Variants in MPDZ observed in about 807,000 individuals in gnomAD.
MPDZ encodes multiple PDZ domain protein.
A neutral mutation model predicts 239.1 loss-of-function variants in MPDZ; 234 were observed. That is an observed-to-expected ratio of 0.98 (90% confidence interval 0.88 to 1.09). The LOEUF (loss-of-function observed/expected upper bound fraction) is 1.09, where lower values mean the gene tolerates loss of function less well. Ranked by LOEUF, MPDZ falls within the 50% of genes least tolerant of loss-of-function variation. The pLI, the probability that MPDZ is intolerant of heterozygous loss-of-function variation, is 0.00. For synonymous variants in MPDZ, 1,048 were observed against 881.3 expected (o/e 1.19, Z -3.35); for missense variants, 3,175 against 2,510.0 (o/e 1.26, Z -5.66).
At chr9:13,268,167 T>C (rs974497934) in intron 1 of MPDZ, among the ~76,000 whole-genome samples, 2 of 150,958 alleles carry the variant, frequency 1.3e-5, no homozygotes, top group Non-Finnish European at 3.0e-5. Context: ...TATATATATA[T>C]ATACACACAT....
intron 27 of MPDZ, 76 bp downstream of exon 27, chr9:13,143,390 A>T: frequency 8.9e-7 from 1 of 1,128,822 alleles, no homozygotes; most frequent in South Asian, 1.4e-5. Context: ...GTGAACTGGG[A>T]CAAAGACACA....
chr9:13,110,542 C>A, intron 44 of MPDZ, 94 bp downstream of exon 44: 1 of 821,010 alleles, frequency 1.2e-6, no homozygotes, highest in South Asian at 1.6e-5. Context: ...AAAATAATAG[C>A]AGAAGATTTA....
chr9:13,153,944 G>A (rs1393092338), intron 24 of MPDZ, among the ~76,000 whole-genome samples: 1 of 152,066 alleles, frequency 6.6e-6, no homozygotes, highest in African/African-American at 2.4e-5. Flanking sequence ...TGTTTATTAA[G>A]GGTTGTACCA....
intron 3 of MPDZ, among the ~76,000 whole-genome samples, chr9:13,233,917 A>G (rs549530820): frequency 2.6e-5 from 4 of 152,166 alleles, no homozygotes; most frequent in Non-Finnish European, 4.4e-5. Context: ...GTTGATGTGG[A>G]TTCAACTGGC....
At chr9:13,115,426 T>A in intron 39 of MPDZ, 92 bp from the exon 40 acceptor site, 1 of 1,007,764 alleles carries the variant, frequency 9.9e-7, no homozygotes, top group Non-Finnish European at 1.5e-6. Flanking sequence ...CAAGACTTTT[T>A]TGAAAGGCAT....
Position 13,205,024 on chromosome 9 carries a change from CTAGG to C in MPDZ, c.1546+8_1546+11del. 7.0e-7 allele frequency: 1 copy of C among 1,426,870 alleles called. No individual in the cohort carries two copies. Among genetic ancestry groups the C allele is most frequent in the Non-Finnish European group, 9.2e-7 (1 of 1,086,420 alleles). 88.4% of individuals were successfully genotyped at this position (1,426,870 alleles called of 1,614,324 possible). ...TAATGAAGTACACAATAAGCTGGCG[CTAGG>C]TGTTTACCTTCTTCTTCAGTTGGTA... On this transcript the variant is annotated splice_region_variant and intron_variant, in intron 12 of 46. Coordinates refer to ENST00000319217, the MANE Select transcript of MPDZ (RefSeq NM_001378778.1).
intron 10 of MPDZ, among the ~76,000 whole-genome samples, chr9:13,207,176 T>C (rs1467442928): frequency 6.6e-6 from 1 of 152,218 alleles, no homozygotes; most frequent in Non-Finnish European, 1.5e-5. Context: ...TCTATTTGTC[T>C]TTTCAGAAAA....
Position 13,121,937 on chromosome 9 carries a change from A to G in MPDZ, c.5038-5T>C. 1.2e-5 allele frequency: 19 copies of G among 1,612,338 alleles called. No homozygotes were observed. The highest frequency in any genetic ancestry group is 1.6e-5 in the Non-Finnish European group (19 of 1,178,914). The stretch of plus-strand genomic sequence containing the variant: ...TCTCAAGTCAATTCCATTCACCTGT[A>G]CAGAAATGGGACACTGACTGTAAGG... On this transcript the variant is annotated splice_polypyrimidine_tract_variant and splice_region_variant and intron_variant, in intron 37 of 46. Transcript: ENST00000319217.
At chr9:13,126,313 T>C (rs900202330) in intron 34 of MPDZ, among the ~76,000 whole-genome samples, 6 of 152,198 alleles carry the variant, frequency 3.9e-5, no homozygotes, top group African/African-American at 1.4e-4. Flanking sequence ...ATTGAATAAT[T>C]TGTGTGGCAA....
intron 3 of MPDZ, among the ~76,000 whole-genome samples, chr9:13,231,169 AG>A (rs1587980001): frequency 2.0e-5 from 3 of 152,164 alleles, no homozygotes; most frequent in African/African-American, 7.2e-5. Context: ...AATAAAAAAA[AG>A]GAACATAATT....
intron 21 of MPDZ, among the ~76,000 whole-genome samples, 165 bp from the exon 22 acceptor site, chr9:13,168,729 T>G (rs771353543): frequency 6.6e-6 from 1 of 152,128 alleles, no homozygotes. Flanking sequence ...ACAAAAAATA[T>G]TTTTAAGTAA....
chr9:13,177,062 A>G (rs914011276), intron 19 of MPDZ, among the ~76,000 whole-genome samples: 4 of 152,206 alleles, frequency 2.6e-5, no homozygotes, highest in East Asian at 1.9e-4. Flanking sequence ...AACAATTTGT[A>G]TATCACAGAA....
chr9:13,241,196 T>C (rs541101760), intron 3 of MPDZ, among the ~76,000 whole-genome samples: 5 of 152,274 alleles, frequency 3.3e-5, no homozygotes, highest in African/African-American at 1.2e-4. Context: ...TTACGGTAAA[T>C]GTAAAAACAT....
rs141547132 is a variant in MPDZ at position 13,165,476 on chromosome 9, T to C, written c.3255-2681A>G. 5.4e-5 allele frequency: 83 copies of C among 1,534,474 alleles called. No individual in the cohort carries two copies. The African/African-American group carries it at 9.1e-4, about 17-fold the overall frequency. Reference sequence around the variant, plus strand: ...GTTAACAAATGTCAATGTCTTGTGCTGAATGTGAGATGCATACATATGTAG... The same window carrying C: ...GTTAACAAATGTCAATGTCTTGTGCCGAATGTGAGATGCATACATATGTAG... On this transcript the variant is annotated intron_variant, in intron 22 of 46. Coordinates refer to ENST00000319217, the MANE Select transcript of MPDZ (RefSeq NM_001378778.1).
chr9:13,223,746 G>A (rs1302384278), intron 4 of MPDZ, 36 bp from the exon 5 acceptor site: 1 of 1,542,298 alleles, frequency 6.5e-7, no homozygotes, highest in Non-Finnish European at 8.8e-7. Flanking sequence ...AAAACTAAAA[G>A]CCAGGCCATG....
At chr9:13,198,737 C>CTGTGTGTGTGTGTGTGTG (rs1554691393) in intron 12 of MPDZ, among the ~76,000 whole-genome samples, 61 of 69,658 alleles carry the variant, frequency 8.8e-4, no homozygotes, top group African/African-American at 1.7e-3. Context: ...ATCTCTCTCT[C>CTGTGTGTGTGTGTGTGTG]TGTGTGTGTG....
At chr9:13,139,585 T>G (rs910553877) in intron 28 of MPDZ, among the ~76,000 whole-genome samples, 1 of 152,184 alleles carries the variant, frequency 6.6e-6, no homozygotes, top group Non-Finnish European at 1.5e-5. Flanking sequence ...GTCACCATTC[T>G]GGTATAGAAA....
intron 32 of MPDZ, among the ~76,000 whole-genome samples, chr9:13,128,680 C>A (rs1230818618): frequency 6.6e-6 from 1 of 152,114 alleles, no homozygotes; most frequent in East Asian, 1.9e-4. Flanking sequence ...AATTACAGTC[C>A]CATGGTCACA....
intron 1 of MPDZ, among the ~76,000 whole-genome samples, chr9:13,256,205 T>G (rs10809922): frequency 0.42 from 63,540 of 152,158 alleles, 16,170 homozygotes; most frequent in Middle Eastern, 0.61. Context: ...TTCACAGAAT[T>G]GAAGAGAGTT....
Sources: allele counts gnomAD v4.1 joint callset (sites outside exome capture counted in the v4.1 genomes callset), GRCh38; gene constraint gnomAD v4.1.1; transcripts MANE v1.5; gene names NCBI Gene and HGNC (gene_info 2026-07-23, HGNC 2026-07-21).